The following GRID2 variants were observed in gnomAD, a reference collection of about 807,000 sequenced individuals.
GRID2 encodes glutamate ionotropic receptor delta type subunit 2, also known as glutamate receptor ionotropic, delta-2.
GRID2 carries 33 observed loss-of-function variants against 114.8 expected under a neutral mutation model. The ratio of observed to expected loss-of-function variants is 0.29; its 90% CI spans 0.22 to 0.38. The LOEUF (loss-of-function observed/expected upper bound fraction) is 0.38, where lower values mean the gene tolerates loss of function less well. Among genes scored for constraint, GRID2 ranks in the 10% least tolerant of loss-of-function variants. The pLI, the probability that GRID2 is intolerant of heterozygous loss-of-function variation, is 1.00. For synonymous variants in GRID2, 505 were observed against 449.9 expected, an observed-to-expected ratio of 1.12 and a Z score of -1.55; for missense variants, 1,184 against 1,257.7, an observed-to-expected ratio of 0.94 and a Z score of 0.89.
At chr4:92,489,817 G>A (rs1723068646) in intron 1 of GRID2, among the ~76,000 whole-genome samples, 2 of 149,448 alleles carry the variant, frequency 1.3e-5, no homozygotes, top group South Asian at 4.2e-4. Context: ...CTGCCCTCCA[G>A]CCTGGGCGAT....
At chr4:93,123,484 A>G (rs1733979296) in intron 4 of GRID2, among the ~76,000 whole-genome samples, 1 of 152,182 alleles carries the variant, frequency 6.6e-6, no homozygotes, top group African/African-American at 2.4e-5. Context: ...ATTTAAAGCT[A>G]TTCTATGCAA....
intron 1 of GRID2, among the ~76,000 whole-genome samples, chr4:92,576,210 G>A (rs7658848): frequency 0.14 from 21,023 of 152,170 alleles, 2,350 homozygotes; most frequent in African/African-American, 0.31. Flanking sequence ...AATGGACCAG[G>A]GTCCTGCTTA....
intron 2 of GRID2, among the ~76,000 whole-genome samples, chr4:92,955,809 G>C (rs1418814341): frequency 6.6e-6 from 1 of 152,082 alleles, no homozygotes; most frequent in African/African-American, 2.4e-5. Context: ...TGTAAGGAAG[G>C]GATCCAGTTT....
At chr4:92,347,850 A>G (rs1727851682) in intron 1 of GRID2, among the ~76,000 whole-genome samples, 2 of 152,128 alleles carry the variant, frequency 1.3e-5, no homozygotes, top group African/African-American at 2.4e-5. Context: ...ATATATGAAT[A>G]TAATATTATA....
At chr4:92,371,243 T>G (rs1281374554) in intron 1 of GRID2, among the ~76,000 whole-genome samples, 1 of 152,150 alleles carries the variant, frequency 6.6e-6, no homozygotes, top group African/African-American at 2.4e-5. Flanking sequence ...AAGACATAGC[T>G]AAAATAATTT....
chr4:93,402,264 CT>C (rs1438810706), intron 9 of GRID2, among the ~76,000 whole-genome samples: 1 of 152,054 alleles, frequency 6.6e-6, no homozygotes, highest in Non-Finnish European at 1.5e-5. Flanking sequence ...ACTAGTTTTT[CT>C]GCTTAATTGA....
chr4:93,019,589 A>C (rs138131943), intron 2 of GRID2, among the ~76,000 whole-genome samples: 1 of 152,286 alleles, frequency 6.6e-6, no homozygotes, highest in East Asian at 1.9e-4. Context: ...ATAATAAAAA[A>C]GGGCAGAAGA....
intron 2 of GRID2, among the ~76,000 whole-genome samples, chr4:93,078,443 C>A (rs1440150277): frequency 1.3e-5 from 2 of 151,592 alleles, no homozygotes; most frequent in Non-Finnish European, 2.9e-5. Context: ...CCATTTTGCA[C>A]CCTGAGTACC....
intron 2 of GRID2, among the ~76,000 whole-genome samples, chr4:92,853,939 C>A (rs1744001443): frequency 6.6e-6 from 1 of 151,168 alleles, no homozygotes; most frequent in South Asian, 2.1e-4. Context: ...ACCTTAGCAT[C>A]ATGCAACATT....
chr4:92,502,476 T>C (rs1215744775), intron 1 of GRID2, among the ~76,000 whole-genome samples: 3 of 151,974 alleles, frequency 2.0e-5, no homozygotes, highest in African/African-American at 7.2e-5. Flanking sequence ...TTTGATTAAA[T>C]ATAACATAAA....
chr4:92,716,920 C>T (rs973821811), intron 2 of GRID2, among the ~76,000 whole-genome samples: 2 of 152,128 alleles, frequency 1.3e-5, no homozygotes, highest in Non-Finnish European at 2.9e-5. Context: ...ATCTAAATAT[C>T]TCCAGAGCAA....
At chr4:93,354,485 T>C (rs1030655947) in intron 8 of GRID2, among the ~76,000 whole-genome samples, 1 of 151,800 alleles carries the variant, frequency 6.6e-6, no homozygotes, top group African/African-American at 2.4e-5. Flanking sequence ...ATAATTCTGG[T>C]AGAAAAGATT....
chr4:92,560,407 C>T (rs958275947), intron 1 of GRID2, among the ~76,000 whole-genome samples: 15 of 152,216 alleles, frequency 9.9e-5, no homozygotes, highest in Admixed American at 2.6e-4. Flanking sequence ...TGTTATAATA[C>T]GGCTACAATG....
intron 2 of GRID2, chr4:92,822,424 G>A (rs1442332887): frequency 1.8e-6 from 1 of 544,500 alleles, no homozygotes; most frequent in Non-Finnish European, 3.6e-6. Flanking sequence ...GCTTGTCCCA[G>A]CTACAGAGGT....
At chr4:92,900,456 T>TG (rs1486637239) in intron 2 of GRID2, among the ~76,000 whole-genome samples, 2 of 152,182 alleles carry the variant, frequency 1.3e-5, no homozygotes, top group African/African-American at 4.8e-5. Context: ...TATATGTCCA[T>TG]GTGTGCAATG....
chr4:92,361,917 G>A (rs931458881), intron 1 of GRID2, among the ~76,000 whole-genome samples: 5 of 151,960 alleles, frequency 3.3e-5, no homozygotes, highest in African/African-American at 1.2e-4. Flanking sequence ...AGGAGTGGCA[G>A]GGGTTACAAT....
intron 2 of GRID2, among the ~76,000 whole-genome samples, chr4:92,851,758 A>T (rs1021765072): frequency 1.3e-5 from 2 of 151,994 alleles, no homozygotes; most frequent in Non-Finnish European, 2.9e-5. Flanking sequence ...TATAGGTCAT[A>T]GGAGTACATA....
chr4:92,999,556 T>C (rs1489079409), intron 2 of GRID2, among the ~76,000 whole-genome samples: 2 of 151,762 alleles, frequency 1.3e-5, no homozygotes, highest in Non-Finnish European at 3.0e-5. Flanking sequence ...TTAGTATTTT[T>C]CAGGTTACTG....
chr4:93,098,975 AG>A (rs1357928527), intron 3 of GRID2, among the ~76,000 whole-genome samples: 1 of 141,832 alleles, frequency 7.1e-6, no homozygotes, highest in Non-Finnish European at 1.6e-5. Context: ...ATTGTATTAA[AG>A]AAAGATCATT....
Sources: gnomAD v4.1 joint callset for allele counts (sites outside exome capture counted in the v4.1 genomes callset) on GRCh38, gnomAD v4.1.1 for gene constraint, MANE v1.5 for transcripts, NCBI Gene and HGNC (gene_info 2026-07-23, HGNC 2026-07-21) for gene names.